USP33: variants seen among roughly 807,000 people sequenced by gnomAD.
USP33 encodes ubiquitin specific peptidase 33.
Under a neutral mutation model 124.2 loss-of-function variants are expected in USP33, and 46 were observed. The ratio of observed to expected loss-of-function variants is 0.37; its 90% CI spans 0.29 to 0.47. The LOEUF is 0.47. Among genes scored for constraint, USP33 ranks in the 20% least tolerant of loss-of-function variants. The pLI, the probability that USP33 is intolerant of heterozygous loss-of-function variation, is 0.99. For synonymous variants in USP33, 350 were observed against 352.3 expected, an observed-to-expected ratio of 0.99 and a Z score of 0.07; for missense variants, 851 against 1,070.6, an observed-to-expected ratio of 0.79 and a Z score of 2.86.
At chr1:77,755,316 C>A (rs1049935601) in intron 1 of USP33, among the ~76,000 whole-genome samples, 5 of 152,190 alleles carry the variant, frequency 3.3e-5, no homozygotes, top group African/African-American at 9.7e-5. Flanking sequence ...ATTATCAATT[C>A]TTTTATTGTT....
chr1:77,723,116 G>T (rs575848422), intron 12 of USP33, among the ~76,000 whole-genome samples: 4 of 152,248 alleles, frequency 2.6e-5, no homozygotes, highest in South Asian at 4.1e-4. Flanking sequence ...ATATGTGCCT[G>T]TCCAATGATG....
chr1:77,724,140 G>C (rs2101410555), intron 11 of USP33, among the ~76,000 whole-genome samples: 1 of 152,246 alleles, frequency 6.6e-6, no homozygotes, highest in East Asian at 1.9e-4. Context: ...GAAAGATGAT[G>C]AAAGTCATCA....
intron 15 of USP33, among the ~76,000 whole-genome samples, chr1:77,719,492 C>T (rs1676309308): frequency 1.3e-5 from 2 of 152,128 alleles, no homozygotes; most frequent in Non-Finnish European, 2.9e-5. Flanking sequence ...TTTAAAACAT[C>T]TAGATATTAA....
chr1:77,731,435 T>C (rs11578805), intron 7 of USP33, among the ~76,000 whole-genome samples: 56,307 of 152,076 alleles, frequency 0.37, 11,980 homozygotes, highest in African/African-American at 0.58. Flanking sequence ...AATCTATTTA[T>C]AGGAAACTGA....
intron 5 of USP33, 42 bp from the exon 6 acceptor site, chr1:77,736,200 A>C: frequency 7.2e-7 from 1 of 1,394,712 alleles, no homozygotes; most frequent in Non-Finnish European, 9.9e-7. Context: ...CAAATCCTTA[A>C]ATTTAAAAAA....
intron 18 of USP33, among the ~76,000 whole-genome samples, chr1:77,715,398 G>T (rs1244470821): frequency 1.3e-5 from 2 of 151,992 alleles, no homozygotes; most frequent in Non-Finnish European, 2.9e-5. Flanking sequence ...GTAGAGACAG[G>T]GTTTCACCAT....
At chr1:77,698,743 A>AC (rs894851521) in intron 22 of USP33, among the ~76,000 whole-genome samples, 2 of 150,272 alleles carry the variant, frequency 1.3e-5, no homozygotes, top group Non-Finnish European at 3.0e-5. Context: ...CTCGTGATCC[A>AC]CCCCCCTCGG....
chr1:77,708,887 T>C (rs914296572), intron 21 of USP33, among the ~76,000 whole-genome samples: 2 of 151,824 alleles, frequency 1.3e-5, no homozygotes, highest in African/African-American at 4.8e-5. Flanking sequence ...AGTCTCGCTA[T>C]GTTGTCCAGG....
Position 77,696,338 on chromosome 1 carries a change from C to T in USP33, c.*979G>A, listed in dbSNP as rs1673440715. On this transcript the variant is annotated 3_prime_UTR_variant, in exon 24 of 24. Transcript: ENST00000370794. Reference sequence around the variant, plus strand: ...AGTTTTTTAGTCACTGACATTAATACTAACCAGGTTACAGGAATTGAAGTT... The same window carrying T: ...AGTTTTTTAGTCACTGACATTAATATTAACCAGGTTACAGGAATTGAAGTT... The T allele has an allele frequency of 6.6e-6, 1 of 152,616 alleles. No homozygotes were observed. Among genetic ancestry groups the T allele is most frequent in the South Asian group, 2.1e-4 (1 of 4,832 alleles). 9.5% of individuals were successfully genotyped at this position (152,616 alleles called of 1,614,324 possible). A position where few individuals can be genotyped will look rare whatever the true frequency, so the allele number is the denominator to read the frequency against.
rs774126097 is a variant in USP33, at chr1:77,697,273, C to A, written c.*44G>T. ...GTTTTCGCATGTGTACATGTCAGGG[C>A]ACATGAAAATGATTCCTCATTAGAA... On this transcript the variant is annotated 3_prime_UTR_variant, in exon 24 of 24. Transcript: ENST00000370794. 10 of 1,520,276 alleles carry A rather than the reference C, an allele frequency of 6.6e-6. No homozygotes were observed. The East Asian group carries it at 1.4e-4, about 21-fold the overall frequency. 94.2% of individuals were successfully genotyped at this position (1,520,276 alleles called of 1,614,324 possible). A position where few individuals can be genotyped will look rare whatever the true frequency, so the allele number is the denominator to read the frequency against.
At chr1:77,710,443 C>G (rs1424164918) in intron 21 of USP33, among the ~76,000 whole-genome samples, 3 of 152,210 alleles carry the variant, frequency 2.0e-5, no homozygotes, top group Non-Finnish European at 2.9e-5. Context: ...CAAATCCTGA[C>G]AGACACAGTC....
intron 21 of USP33, among the ~76,000 whole-genome samples, chr1:77,710,472 A>G (rs1173695797): frequency 6.6e-6 from 1 of 152,250 alleles, no homozygotes; most frequent in Non-Finnish European, 1.5e-5. Flanking sequence ...TTATTTAAGC[A>G]TTGATGGAAA....
Position 77,728,586 on chromosome 1 carries a change from G to C in USP33, c.844C>G (p.Gln282Glu). ...TEETMEEDKS[Q>E]SDVDFQSCES... ...CAAGACTGAAAATCTACATCCGACT[G>C]GCTCTTGTCTTCTTCCATTGTCTCC... Residue 282 changes from glutamine (Q) to glutamate (E), a missense_variant, in exon 10 of 24, where the codon CAG becomes GAG. By Grantham distance (29) the Gln-to-Glu change is conservative. Around this residue, in one of 4 missense-constraint regions of USP33, gnomAD observed 207 missense variants for 200.9 expected, o/e 1.03. Coordinates refer to ENST00000370794, the MANE Select transcript of USP33 (RefSeq NM_201624.3). 6.2e-7 allele frequency: 1 copy of C among 1,614,086 alleles called. No homozygotes were observed. Among genetic ancestry groups the C allele is most frequent in the Non-Finnish European group, 8.5e-7 (1 of 1,180,008 alleles).
intron 17 of USP33, 45 bp from the exon 18 acceptor site, chr1:77,715,913 C>T: frequency 6.3e-7 from 1 of 1,582,902 alleles, no homozygotes; most frequent in Non-Finnish European, 8.6e-7. Flanking sequence ...ACAAAAACAA[C>T]AGAAGAAAGG....
Position 77,739,394 on chromosome 1 carries a change from C to T in USP33, c.222G>A (p.Val74=). Residue 74 remains valine, a synonymous_variant, in exon 5 of 24, where the codon GTG becomes GTA. Coordinates refer to ENST00000370794, the MANE Select transcript of USP33 (RefSeq NM_201624.3). ...HSQETKHYLT[V]NLTTLRVWCY... ...ACCATACTCGAAGAGTGGTAAGGTTCACAGTTAGATAATGCTTTGTCTCCT... is the reference window on the plus strand; with the variant it reads ...ACCATACTCGAAGAGTGGTAAGGTTTACAGTTAGATAATGCTTTGTCTCCT... 1 of 1,610,894 alleles carries T rather than the reference C, an allele frequency of 6.2e-7. No individual in the cohort carries two copies.
At chr1:77,727,292 T>C (rs1202430479) in intron 10 of USP33, among the ~76,000 whole-genome samples, 1 of 152,240 alleles carries the variant, frequency 6.6e-6, no homozygotes, top group African/African-American at 2.4e-5. Flanking sequence ...CATCCCCTTG[T>C]TACTATGTGT....
At chr1:77,718,828 C>T in intron 15 of USP33, 187 bp from the exon 16 acceptor site, 1 of 484,450 alleles carries the variant, frequency 2.1e-6, no homozygotes, top group Non-Finnish European at 3.7e-6. Context: ...ACTCAGGAGG[C>T]TGAGGCAGGA....
intron 19 of USP33, 119 bp downstream of exon 19, chr1:77,714,495 G>T: frequency 1.0e-6 from 1 of 996,794 alleles, no homozygotes; most frequent in Non-Finnish European, 1.5e-6. Flanking sequence ...AACACATTAA[G>T]TTTGAATGCA....
intron 1 of USP33, among the ~76,000 whole-genome samples, chr1:77,748,472 T>C (rs1370986382): frequency 6.6e-6 from 1 of 152,000 alleles, no homozygotes; most frequent in South Asian, 2.1e-4. Flanking sequence ...AGTTTAAGAC[T>C]AGCCTGGTCA....
Sources: gnomAD v4.1 joint callset for allele counts (sites outside exome capture counted in the v4.1 genomes callset) on GRCh38, gnomAD v4.1.1 for gene constraint, gnomAD v4.1.1 regional missense constraint, MANE v1.5 for transcripts, NCBI Gene and HGNC (gene_info 2026-07-23, HGNC 2026-07-21) for gene names.